Variants in CDH12 observed in about 807,000 individuals in gnomAD.
CDH12 encodes cadherin-12.
Under a neutral mutation model 74.1 loss-of-function variants are expected in CDH12, and 41 were observed. The ratio of observed to expected loss-of-function variants is 0.55; its 90% CI spans 0.43 to 0.72. CDH12 has a LOEUF of 0.72. CDH12 is among the 30% of genes least tolerant of loss of function. CDH12 has a pLI of 0.00. For synonymous variants in CDH12, 399 were observed against 355.0 expected (o/e 1.12, Z -1.39); for missense variants, 945 against 977.2 (o/e 0.97, Z 0.44).
chr5:22,387,464 C>T (rs1742047481), intron 3 of CDH12, among the ~76,000 whole-genome samples: 1 of 152,018 alleles, frequency 6.6e-6, no homozygotes, highest in South Asian at 2.1e-4. Flanking sequence ...TGTCCCTATC[C>T]ACCTTTGTTA....
chr5:22,503,540 C>T (rs1736256910), intron 2 of CDH12, among the ~76,000 whole-genome samples: 3 of 151,956 alleles, frequency 2.0e-5, no homozygotes, highest in African/African-American at 7.2e-5. Flanking sequence ...TGAAAATCCT[C>T]ATATTAAAAA....
intron 6 of CDH12, among the ~76,000 whole-genome samples, chr5:21,879,013 G>GACTA (rs1229009261): frequency 1.3e-5 from 2 of 152,074 alleles, no homozygotes; most frequent in Admixed American, 1.3e-4. Context: ...TATCCAAAAA[G>GACTA]ACTAACTGTA....
At position 21,752,358 on chromosome 5, in the gene CDH12, T is replaced by C. The variant is rs147355560; in HGVS notation, c.1886-122A>G. 3.0e-4 allele frequency: 229 copies of C among 764,366 alleles called. 1 individual carries two copies. In the East Asian group the frequency reaches 5.8e-3, roughly 19 times the overall value. The allele number at this position is 764,366 out of a possible 1,614,324, so 47.3% of individuals were successfully genotyped here. A position where few individuals can be genotyped will look rare whatever the true frequency, so the allele number is the denominator to read the frequency against. On this transcript the variant is annotated intron_variant, in intron 14 of 14. Transcript: ENST00000382254. ...CGTGAATGACCTCCTGTTACTTTCA[T>C]AGTAAACATACCATAATCAATAGGA...
At chr5:22,793,779 G>T (rs1184305501) in intron 1 of CDH12, among the ~76,000 whole-genome samples, 1 of 149,406 alleles carries the variant, frequency 6.7e-6, no homozygotes, top group East Asian at 2.0e-4. Flanking sequence ...TCCCATTTAT[G>T]GAACCACCAT....
intron 1 of CDH12, among the ~76,000 whole-genome samples, chr5:22,741,958 A>T (rs1419481479): frequency 6.6e-6 from 1 of 152,184 alleles, no homozygotes; most frequent in Non-Finnish European, 1.5e-5. Flanking sequence ...AGACAGGTGG[A>T]TCACCTGAGG....
At chr5:22,334,506 C>A (rs765683419) in intron 3 of CDH12, among the ~76,000 whole-genome samples, 2 of 152,076 alleles carry the variant, frequency 1.3e-5, no homozygotes, top group Non-Finnish European at 2.9e-5. Flanking sequence ...AAAAAACAAT[C>A]CTAAAACTTA....
intron 1 of CDH12, among the ~76,000 whole-genome samples, chr5:22,573,602 A>G (rs959779503): frequency 2.0e-4 from 31 of 152,322 alleles, no homozygotes; most frequent in African/African-American, 6.3e-4. Flanking sequence ...TTAAAATTTT[A>G]GTTTCAATTA....
chr5:21,948,937 T>G (rs1755700564), intron 6 of CDH12, among the ~76,000 whole-genome samples: 1 of 151,602 alleles, frequency 6.6e-6, no homozygotes, highest in Non-Finnish European at 1.5e-5. Flanking sequence ...TCTCTCCTGT[T>G]GTCTTGTGAA....
At chr5:22,399,440 C>T (rs886709784) in intron 3 of CDH12, among the ~76,000 whole-genome samples, 27 of 152,142 alleles carry the variant, frequency 1.8e-4, no homozygotes, top group South Asian at 1.0e-3. Flanking sequence ...CAAAACAGTC[C>T]ATAGGCCAGC....
chr5:22,755,334 T>C (rs1464544739), intron 1 of CDH12, among the ~76,000 whole-genome samples: 3 of 152,192 alleles, frequency 2.0e-5, no homozygotes, highest in African/African-American at 7.2e-5. Context: ...TTTTATATCA[T>C]GTTAGTTTCC....
intron 6 of CDH12, among the ~76,000 whole-genome samples, chr5:21,855,862 G>T (rs568425386): frequency 6.6e-6 from 1 of 151,628 alleles, no homozygotes; most frequent in Non-Finnish European, 1.5e-5. Context: ...CTAAAAGAAT[G>T]AATTACTTTT....
At chr5:21,985,667 T>C (rs1242601326) in intron 5 of CDH12, among the ~76,000 whole-genome samples, 1 of 152,178 alleles carries the variant, frequency 6.6e-6, no homozygotes, top group East Asian at 1.9e-4. Context: ...AATTTTATTA[T>C]GTACAACACA....
intron 6 of CDH12, among the ~76,000 whole-genome samples, chr5:21,926,372 C>G (rs1754584033): frequency 6.6e-6 from 1 of 152,198 alleles, no homozygotes; most frequent in South Asian, 2.1e-4. Flanking sequence ...CATTGGTGGA[C>G]ATTTTCTGGA....
chr5:22,798,330 T>C (rs189515048), intron 1 of CDH12, among the ~76,000 whole-genome samples: 1 of 152,264 alleles, frequency 6.6e-6, no homozygotes, highest in East Asian at 1.9e-4. Flanking sequence ...ACTATAATAG[T>C]TTAAATACAT....
chr5:22,046,322 C>T (rs763657742), intron 5 of CDH12, among the ~76,000 whole-genome samples: 12 of 151,338 alleles, frequency 7.9e-5, no homozygotes, highest in Non-Finnish European at 1.5e-4. Context: ...ACCATTCTGA[C>T]AAAGTAGAAA....
intron 1 of CDH12, among the ~76,000 whole-genome samples, chr5:22,700,035 G>A (rs942231298): frequency 2.6e-5 from 4 of 151,982 alleles, no homozygotes; most frequent in Admixed American, 6.6e-5. Context: ...ATATGTTGGC[G>A]CATGCCTGTA....
At chr5:22,019,215 C>G (rs1032201149) in intron 5 of CDH12, among the ~76,000 whole-genome samples, 1 of 152,120 alleles carries the variant, frequency 6.6e-6, no homozygotes, top group Non-Finnish European at 1.5e-5. Context: ...GGAGAAAAAG[C>G]TGCAACTAAG....
intron 3 of CDH12, among the ~76,000 whole-genome samples, chr5:22,292,112 C>T (rs1232032237): frequency 6.6e-6 from 1 of 151,998 alleles, no homozygotes; most frequent in African/African-American, 2.4e-5. Context: ...GGGACAATCT[C>T]TCAATAAATG....
intron 6 of CDH12, among the ~76,000 whole-genome samples, chr5:21,857,142 A>G (rs1041021439): frequency 1.3e-5 from 2 of 151,812 alleles, no homozygotes; most frequent in Admixed American, 1.3e-4. Context: ...CAGTGCTTGG[A>G]TAGCACACCA....
Sources: allele counts gnomAD v4.1 joint callset (sites outside exome capture counted in the v4.1 genomes callset), GRCh38; gene constraint gnomAD v4.1.1; transcripts MANE v1.5; gene names NCBI Gene and HGNC (gene_info 2026-07-23, HGNC 2026-07-21).